The following EHMT1 variants were observed in gnomAD, a reference collection of about 807,000 sequenced individuals.
EHMT1 encodes euchromatic histone lysine methyltransferase 1, also known as histone-lysine N-methyltransferase EHMT1.
EHMT1 carries 15 observed loss-of-function variants against 147.2 expected under a neutral mutation model. The observed-to-expected ratio is 0.10, with a 90% CI of 0.07 to 0.16. The LOEUF (loss-of-function observed/expected upper bound fraction) is 0.16, where lower values mean the gene tolerates loss of function less well. Among genes scored for constraint, EHMT1 ranks in the 10% least tolerant of loss-of-function variants. The pLI is 1.00. For synonymous variants in EHMT1, 795 were observed against 709.6 expected (o/e 1.12, Z -1.91); for missense variants, 1,587 against 1,772.4 (o/e 0.90, Z 1.88).
intron 6 of EHMT1, chr9:137,747,096 T>C (rs757264394): frequency 5.3e-5 from 8 of 152,190 alleles, no homozygotes; most frequent in Non-Finnish European, 1.0e-4. Flanking sequence ...AAAAGTACGC[T>C]AGCCCATTCT....
At chr9:137,721,494 C>G (rs1328462035) in intron 3 of EHMT1, among the ~76,000 whole-genome samples, 3 of 81,996 alleles carry the variant, frequency 3.7e-5, no homozygotes, top group Non-Finnish European at 7.2e-5. Context: ...CGCCTCTCAC[C>G]TTCTCACACG....
At chr9:137,744,539 T>G (rs1326581792) in intron 6 of EHMT1, among the ~76,000 whole-genome samples, 1 of 152,238 alleles carries the variant, frequency 6.6e-6, no homozygotes, top group Non-Finnish European at 1.5e-5. Flanking sequence ...AGGCTGGTCT[T>G]GAGCTCCTTT....
At chr9:137,675,467 T>TA (rs1219680222) in intron 1 of EHMT1, among the ~76,000 whole-genome samples, 1 of 152,002 alleles carries the variant, frequency 6.6e-6, no homozygotes, top group Non-Finnish European at 1.5e-5. Flanking sequence ...AAATTTTATT[T>TA]ATTTATTTAT....
intron 18 of EHMT1, among the ~76,000 whole-genome samples, chr9:137,801,288 G>A (rs575319726): frequency 2.0e-4 from 30 of 152,268 alleles, no homozygotes; most frequent in Admixed American, 5.2e-4. Flanking sequence ...ACCCTGGTGC[G>A]GGTGCCACAG....
At chr9:137,772,130 G>A (rs977033664) in intron 10 of EHMT1, among the ~76,000 whole-genome samples, 1 of 152,128 alleles carries the variant, frequency 6.6e-6, no homozygotes, top group African/African-American at 2.4e-5. Context: ...TATGAAGTAT[G>A]ATTTGTTAGC....
At chr9:137,705,470 T>G (rs1944185981) in intron 1 of EHMT1, among the ~76,000 whole-genome samples, 1 of 152,236 alleles carries the variant, frequency 6.6e-6, no homozygotes, top group South Asian at 2.1e-4. Flanking sequence ...AGAATTGGAA[T>G]GTGTGCATGC....
rs755244509 is a variant in EHMT1, at chr9:137,813,559, C to G, written c.3180+29C>G. The G allele has an allele frequency of 2.5e-6, 4 of 1,612,718 alleles. No homozygotes were observed. The African/African-American group carries it at 5.3e-5, about 22-fold the overall frequency. ...AGTGACGGCAGATGAAGGGCTGACTCAGGCCAGGACATGGGACAGGCAGAA... is the reference window on the plus strand; with the variant it reads ...AGTGACGGCAGATGAAGGGCTGACTGAGGCCAGGACATGGGACAGGCAGAA... On this transcript the variant is annotated intron_variant, in intron 21 of 26. Transcript: ENST00000460843. The surrounding 1 kb of genome is among the most constrained non-coding windows in gnomAD (Gnocchi z 4.9).
chr9:137,706,961 A>G (rs934368061), intron 1 of EHMT1, among the ~76,000 whole-genome samples: 91 of 151,336 alleles, frequency 6.0e-4, no homozygotes, highest in African/African-American at 2.2e-3. Flanking sequence ...AGTAGCTGGG[A>G]TTACAGGCAT....
intron 16 of EHMT1, among the ~76,000 whole-genome samples, chr9:137,796,097 T>A (rs1219248644): frequency 3.3e-5 from 5 of 152,246 alleles, no homozygotes. Context: ...CATGTCTTCC[T>A]GCAGCACTCC....
Position 137,788,074 on chromosome 9 carries a change from C to G in EHMT1, c.2383-2774C>G, listed in dbSNP as rs533002714. The G allele has an allele frequency of 2.2e-6, 3 of 1,365,772 alleles. No homozygotes were observed. The East Asian group carries it at 7.3e-5, about 33-fold the overall frequency. 84.6% of individuals were successfully genotyped at this position (1,365,772 alleles called of 1,614,324 possible). Reference sequence around the variant, plus strand: ...GCTCCCGCTGGCAAAGTCTCCCCCTCCACTCTCGTGGGGCCAGGAAGGGGG... The same window carrying G: ...GCTCCCGCTGGCAAAGTCTCCCCCTGCACTCTCGTGGGGCCAGGAAGGGGG... On this transcript the variant is annotated intron_variant, in intron 15 of 26. Coordinates refer to ENST00000460843, the MANE Select transcript of EHMT1 (RefSeq NM_024757.5).
chr9:137,780,608 G>GGATGTGTGGTGATGACGCTGA (rs1951359058), intron 14 of EHMT1, among the ~76,000 whole-genome samples: 2 of 119,756 alleles, frequency 1.7e-5, no homozygotes, highest in African/African-American at 3.4e-5. Flanking sequence ...GATGACGCTG[G>GGATGTGTGGTGATGACGCTGA]GATGTGTGGT....
At chr9:137,742,544 T>G (rs911986039) in intron 4 of EHMT1, among the ~76,000 whole-genome samples, 1 of 152,138 alleles carries the variant, frequency 6.6e-6, no homozygotes, top group Non-Finnish European at 1.5e-5. Flanking sequence ...CTTTAAATCC[T>G]GGAACTTAAA....
intron 10 of EHMT1, among the ~76,000 whole-genome samples, chr9:137,765,622 G>A (rs909481900): frequency 1.1e-4 from 17 of 151,884 alleles, no homozygotes; most frequent in Non-Finnish European, 2.4e-4. Context: ...AGGTGGAGAA[G>A]CGGAGCCTGA....
intron 25 of EHMT1, among the ~76,000 whole-genome samples, chr9:137,831,517 A>T (rs549242594): frequency 6.6e-6 from 1 of 152,220 alleles, no homozygotes; most frequent in South Asian, 2.1e-4. Context: ...CCACCCAGTG[A>T]TGGCTTCAGC....
At chr9:137,649,901 G>T (rs1449318135) in intron 1 of EHMT1, among the ~76,000 whole-genome samples, 2 of 152,194 alleles carry the variant, frequency 1.3e-5, no homozygotes, top group Non-Finnish European at 2.9e-5. Context: ...TAAGGTAACT[G>T]CAGGAGATTA....
rs1945389965 is a variant in EHMT1 at position 137,717,034 on chromosome 9, C to T, written c.494C>T (p.Pro165Leu). The change falls in exon 3 of 27, where the codon CCA becomes CTA. Residue 165 changes from proline (P) to leucine (L), a missense_variant. Pro to Leu is a moderately conservative substitution (Grantham distance 98, BLOSUM62 -3). Around this residue, in one of 7 missense-constraint regions of EHMT1, gnomAD observed 810 missense variants for 673.0 expected, o/e 1.20. Transcript: ENST00000460843. ...GGAGGGGCTGGCAAAGGCAGGACTC[C>T]AAGCGCTTTTCCCCAGACGCCAGCC... ...LPGGAGKGRTPSAFPQTPAAP... is the reference protein window; with the variant it reads ...LPGGAGKGRTLSAFPQTPAAP... 2 of 1,607,138 alleles carry T rather than the reference C, an allele frequency of 1.2e-6. No individual in the cohort carries two copies. Among genetic ancestry groups the T allele is most frequent in the Non-Finnish European group, 1.7e-6 (2 of 1,175,932 alleles).
At chr9:137,744,165 G>C in intron 6 of EHMT1, 75 bp downstream of exon 6, 1 of 1,528,912 alleles carries the variant, frequency 6.5e-7, no homozygotes, top group Non-Finnish European at 9.0e-7. Context: ...AAAATTAACA[G>C]TCTGGTCACT....
In EHMT1 at chr9:137,817,542, G is replaced by A. The variant is rs1955018807; in HGVS notation, c.3461+17G>A. On this transcript the variant is annotated intron_variant, in intron 24 of 26. Transcript: ENST00000460843. ...TGTCTGCGAGTGAGTGAGTCCCTGG[G>A]TCACCCCAAGCCTGGTGTCATTTCT... 1 of 1,613,970 alleles carries A rather than the reference G, an allele frequency of 6.2e-7. No individual in the cohort carries two copies. The highest frequency in any genetic ancestry group is 8.5e-7 in the Non-Finnish European group (1 of 1,179,990).
chr9:137,795,758 C>G (rs1043281422), intron 16 of EHMT1, among the ~76,000 whole-genome samples: 10 of 152,016 alleles, frequency 6.6e-5, no homozygotes, highest in Non-Finnish European at 1.5e-4. Context: ...AAAGTGGAAT[C>G]ACACTGTTGT....
Sources: allele counts gnomAD v4.1 joint callset (sites outside exome capture counted in the v4.1 genomes callset), GRCh38; gene constraint gnomAD v4.1.1; regional missense constraint gnomAD v4.1.1; non-coding constraint Gnocchi (gnomAD v3.1); transcripts MANE v1.5; gene names NCBI Gene and HGNC (gene_info 2026-07-23, HGNC 2026-07-21).